NRXN3: variants seen among roughly 807,000 people sequenced by gnomAD.
NRXN3 encodes neurexin 3, also known as neurexin III.
In NRXN3, 32 loss-of-function variants were observed where a neutral mutation model predicts 137.6. The observed-to-expected ratio is 0.23, with a 90% CI of 0.18 to 0.31. NRXN3 has a LOEUF of 0.31. Among genes scored for constraint, NRXN3 ranks in the 10% least tolerant of loss-of-function variants. NRXN3 has a pLI of 1.00. For missense variants in NRXN3, 1,574 were observed against 2,062.5 expected (o/e 0.76, Z 4.59); for synonymous variants, 798 against 784.5 (o/e 1.02, Z -0.29).
intron 10 of NRXN3, among the ~76,000 whole-genome samples, chr14:78,837,532 G>A (rs1297888084): frequency 8.6e-5 from 13 of 151,766 alleles, no homozygotes; most frequent in Non-Finnish European, 1.5e-5. Context: ...CTATTTGAGT[G>A]GAGAATGCTC....
At chr14:79,477,476 A>G (rs2096570231) in intron 16 of NRXN3, among the ~76,000 whole-genome samples, 2 of 152,150 alleles carry the variant, frequency 1.3e-5, no homozygotes, top group African/African-American at 4.8e-5. Flanking sequence ...AAAAATGCCC[A>G]GTGAATTATC....
At chr14:79,581,395 T>C (rs77499027) in intron 16 of NRXN3, among the ~76,000 whole-genome samples, 162 of 152,292 alleles carry the variant, frequency 1.1e-3, no homozygotes, top group African/African-American at 3.7e-3. Context: ...TGGTTACCTG[T>C]TTTAAATTTC....
chr14:79,088,716 A>C (rs371640374), intron 15 of NRXN3, among the ~76,000 whole-genome samples: 35 of 152,110 alleles, frequency 2.3e-4, no homozygotes, highest in African/African-American at 8.2e-4. Flanking sequence ...CTTACTTTTT[A>C]CTGTGTTGGC....
rs538937831 is a variant in NRXN3, at chr14:79,528,997, G to A, written c.3444+61595G>A. Among the ~76,000 whole-genome samples the A allele has an allele frequency of 2.6e-5, 4 of 152,294 alleles. No homozygotes were observed. The South Asian group carries it at 8.3e-4, about 32-fold the overall frequency. Reference sequence around the variant, plus strand: ...CTGACAATGGGGACATGTATGTTAAGTGACTAGCACAGCGCTTACCAGAGG... The same window carrying A: ...CTGACAATGGGGACATGTATGTTAAATGACTAGCACAGCGCTTACCAGAGG... On this transcript the variant is annotated intron_variant, in intron 16 of 20. Transcript: ENST00000335750.
chr14:78,942,694 T>TGCTA (rs1304894819), intron 10 of NRXN3, among the ~76,000 whole-genome samples: 2 of 151,954 alleles, frequency 1.3e-5, no homozygotes, highest in African/African-American at 4.8e-5. Flanking sequence ...AAAAAATAAG[T>TGCTA]GCTAGTGTTC....
At chr14:78,643,145 C>A (rs2097651935) in intron 4 of NRXN3, among the ~76,000 whole-genome samples, 1 of 152,174 alleles carries the variant, frequency 6.6e-6, no homozygotes, top group Non-Finnish European at 1.5e-5. Context: ...AGTCTTTTCA[C>A]ATTATAAAAT....
chr14:78,740,544 CTT>C (rs11389703), intron 8 of NRXN3, among the ~76,000 whole-genome samples: 5 of 142,108 alleles, frequency 3.5e-5, no homozygotes, highest in African/African-American at 7.8e-5. Context: ...CTTTTCTTTT[CTT>C]TTTTTTTTTT....
intron 1 of NRXN3, among the ~76,000 whole-genome samples, chr14:78,215,770 G>T (rs11628981): frequency 2.3e-5 from 2 of 87,680 alleles, no homozygotes; most frequent in South Asian, 5.4e-4. Context: ...CTGCAGGGGG[G>T]TGGGGGGGGC....
At chr14:78,649,138 G>T in intron 5 of NRXN3, 1 of 495,636 alleles carries the variant, frequency 2.0e-6, no homozygotes, top group Non-Finnish European at 3.6e-6. Flanking sequence ...GATCATTCAT[G>T]CAATGTGTCA....
chr14:78,805,456 A>G (rs1207045846), intron 9 of NRXN3, among the ~76,000 whole-genome samples: 2 of 152,072 alleles, frequency 1.3e-5, no homozygotes, highest in Non-Finnish European at 2.9e-5. Context: ...AACACAGCGT[A>G]TTGAGCAGCC....
chr14:78,492,432 A>G (rs1333493408), intron 4 of NRXN3, among the ~76,000 whole-genome samples: 2 of 152,238 alleles, frequency 1.3e-5, no homozygotes, highest in Non-Finnish European at 2.9e-5. Context: ...AAGATCGTGC[A>G]TATAAAGTAC....
At chr14:78,275,107 A>C (rs1300061188) in intron 2 of NRXN3, among the ~76,000 whole-genome samples, 1 of 152,206 alleles carries the variant, frequency 6.6e-6, no homozygotes, top group Non-Finnish European at 1.5e-5. Flanking sequence ...ATCAGCTCAA[A>C]TACTACTTCC....
chr14:78,405,843 A>T (rs946678922), intron 4 of NRXN3, among the ~76,000 whole-genome samples: 2 of 152,214 alleles, frequency 1.3e-5, no homozygotes, highest in Non-Finnish European at 2.9e-5. Context: ...CAGGGTGTCA[A>T]ACCCAGGAGT....
chr14:78,966,969 C>A (rs2099418711), intron 12 of NRXN3, among the ~76,000 whole-genome samples: 2 of 152,158 alleles, frequency 1.3e-5, no homozygotes, highest in Non-Finnish European at 2.9e-5. Context: ...TACTTTGACT[C>A]TGGAGAGTAT....
rs201071818 is a variant in NRXN3 at position 78,715,109 on chromosome 14, A to T, written c.2014A>T (p.Thr672Ser). The part of the protein sequence containing the change: ...WNRFICDCTG[T>S]GYWGRTCERE... Reference sequence around the variant, plus strand: ...CCGCTTCATCTGCGACTGCACCGGCACCGGATACTGGGGAAGAACCTGCGA... The same window carrying T: ...CCGCTTCATCTGCGACTGCACCGGCTCCGGATACTGGGGAAGAACCTGCGA... Residue 672 changes from threonine to serine, a missense_variant, in exon 8 of 21, where the codon ACC (threonine) becomes TCC (serine). Thr to Ser is a moderately conservative substitution (Grantham distance 58). Around this residue, in one of 5 missense-constraint regions of NRXN3, gnomAD observed 718 missense variants for 887.6 expected, o/e 0.81. Transcript: ENST00000335750. 6.2e-7 allele frequency: 1 copy of T among 1,611,240 alleles called. No individual in the cohort carries two copies. The highest frequency in any genetic ancestry group is 1.3e-5 in the African/African-American group (1 of 75,032).
At chr14:78,288,040 C>T (rs142828253) in intron 3 of NRXN3, among the ~76,000 whole-genome samples, 5,655 of 151,658 alleles carry the variant, frequency 0.037, 307 homozygotes, top group African/African-American at 0.13. Context: ...AGTGCAGTGG[C>T]GCAATCTCAG....
chr14:78,257,056 T>C (rs1192211424), intron 2 of NRXN3, among the ~76,000 whole-genome samples: 1 of 152,204 alleles, frequency 6.6e-6, no homozygotes, highest in Non-Finnish European at 1.5e-5. Flanking sequence ...GCCAGGTGGC[T>C]CTGAGGGCTT....
intron 10 of NRXN3, among the ~76,000 whole-genome samples, chr14:78,899,675 CTT>C (rs1251066697): frequency 6.6e-6 from 1 of 151,880 alleles, no homozygotes; most frequent in Non-Finnish European, 1.5e-5. Context: ...AAGGAAGAAA[CTT>C]TTAGCTGACA....
At chr14:79,222,381 G>A (rs1351496517) in intron 15 of NRXN3, among the ~76,000 whole-genome samples, 2 of 152,074 alleles carry the variant, frequency 1.3e-5, no homozygotes, top group African/African-American at 4.8e-5. Flanking sequence ...GCTGAATAAT[G>A]TTCCCTTGTC....
Sources: gnomAD v4.1 joint callset for allele counts (sites outside exome capture counted in the v4.1 genomes callset) on GRCh38, gnomAD v4.1.1 for gene constraint, gnomAD v4.1.1 regional missense constraint, MANE v1.5 for transcripts, NCBI Gene and HGNC (gene_info 2026-07-23, HGNC 2026-07-21) for gene names.